The following COL8A1 variants were observed in gnomAD, a reference collection of about 807,000 sequenced individuals.
COL8A1 encodes the protein collagen type VIII alpha 1 chain, also known as collagen alpha-1(VIII) chain.
In COL8A1, 21 loss-of-function variants were observed where a neutral mutation model predicts 42.7. The observed-to-expected ratio is 0.49, with a 90% CI of 0.35 to 0.71. The LOEUF (loss-of-function observed/expected upper bound fraction) is 0.71, where lower values mean the gene tolerates loss of function less well. COL8A1 is among the 30% of genes least tolerant of loss of function. The probability of loss-of-function intolerance (pLI) is 0.01; values close to 1 mark genes in which losing one functional copy is unlikely to be tolerated. For synonymous variants in COL8A1, 367 were observed against 369.1 expected, an observed-to-expected ratio of 0.99 and a Z score of 0.06; for missense variants, 788 against 962.4, an observed-to-expected ratio of 0.82 and a Z score of 2.40.
intron 1 of COL8A1, among the ~76,000 whole-genome samples, chr3:99,728,947 G>A (rs1940419876): frequency 2.0e-5 from 3 of 151,848 alleles, no homozygotes; most frequent in Admixed American, 2.0e-4. Context: ...CTGTTATTTA[G>A]AAGACCTCTG....
chr3:99,768,407 A>G (rs181019440), intron 2 of COL8A1, among the ~76,000 whole-genome samples: 19 of 152,378 alleles, frequency 1.2e-4, no homozygotes, highest in African/African-American at 4.3e-4. Context: ...AGAGTACTGT[A>G]TATGGAGAAA....
chr3:99,676,602 C>T (rs1216626169), intron 1 of COL8A1, among the ~76,000 whole-genome samples: 2 of 152,022 alleles, frequency 1.3e-5, no homozygotes, highest in Admixed American at 1.3e-4. Flanking sequence ...AAAGTGAATA[C>T]AAAATTTCTG....
intron 2 of COL8A1, among the ~76,000 whole-genome samples, chr3:99,769,960 C>T (rs1029169424): frequency 5.3e-5 from 8 of 152,032 alleles, no homozygotes; most frequent in Non-Finnish European, 1.2e-4. Context: ...GAAAATCATA[C>T]AATTTCTTGT....
intron 2 of COL8A1, among the ~76,000 whole-genome samples, chr3:99,760,712 C>T (rs1941351456): frequency 6.6e-6 from 1 of 152,096 alleles, no homozygotes; most frequent in Non-Finnish European, 1.5e-5. Flanking sequence ...ACCTGAGAGA[C>T]TGTCATTTCC....
At chr3:99,733,554 G>C (rs1197206276) in intron 1 of COL8A1, among the ~76,000 whole-genome samples, 1 of 151,972 alleles carries the variant, frequency 6.6e-6, no homozygotes, top group East Asian at 1.9e-4. Flanking sequence ...ATCATTGTTG[G>C]ACGTTTGGGT....
chr3:99,795,375 G>T lies in COL8A1; in HGVS notation c.1474G>T (p.Gly492Cys). 6.4e-7 allele frequency: 1 copy of T among 1,573,440 alleles called. No homozygotes were observed. Among genetic ancestry groups the T allele is most frequent in the Non-Finnish European group, 8.6e-7 (1 of 1,158,732 alleles). Residue 492 changes from glycine to cysteine, a missense_variant, in exon 4 of 4, where the codon GGT (glycine) becomes TGT (cysteine). Coordinates refer to ENST00000652472, the MANE Select transcript of COL8A1 (RefSeq NM_020351.4). ...KGEPGIPGDQ[G>C]LQGPPGIPGI... Reference sequence around the variant, plus strand: ...AGAGCCAGGAATCCCAGGGGATCAGGGTTTACAGGGCCCCCCAGGTATCCC... The same window carrying T: ...AGAGCCAGGAATCCCAGGGGATCAGTGTTTACAGGGCCCCCCAGGTATCCC...
At chr3:99,717,708 C>T (rs1457715972) in intron 1 of COL8A1, among the ~76,000 whole-genome samples, 10 of 151,862 alleles carry the variant, frequency 6.6e-5, no homozygotes, top group African/African-American at 2.4e-4. Flanking sequence ...TAACTTAAAA[C>T]CTCTCTTACT....
In COL8A1 at chr3:99,790,321, C is replaced by T. The variant is rs566705943; in HGVS notation, c.-3-359C>T. Among the ~76,000 whole-genome samples, 10 of 152,278 alleles carry T rather than the reference C, an allele frequency of 6.6e-5. No homozygotes were observed. In the East Asian group the frequency reaches 1.9e-3, roughly 29 times the overall value. ...ACCCATGACAACTATACACAATTGGCAAGAATGGCTGAAATGGCCCTGCCT... is the reference window on the plus strand; with the variant it reads ...ACCCATGACAACTATACACAATTGGTAAGAATGGCTGAAATGGCCCTGCCT... On this transcript the variant is annotated intron_variant, in intron 2 of 3. Transcript: ENST00000652472.
At chr3:99,665,810 T>A (rs1334927334) in intron 1 of COL8A1, among the ~76,000 whole-genome samples, 1 of 150,768 alleles carries the variant, frequency 6.6e-6, no homozygotes, top group Non-Finnish European at 1.5e-5. Context: ...GCTTCCCAGG[T>A]AGCTGGGATT....
chr3:99,656,494 G>GAAA (rs764532246), intron 1 of COL8A1, among the ~76,000 whole-genome samples: 1 of 92,822 alleles, frequency 1.1e-5, no homozygotes, highest in African/African-American at 4.0e-5. Flanking sequence ...TGTATAAGAA[G>GAAA]AAAAAAAAAA....
At chr3:99,739,039 C>CCA (rs1940820611) in intron 1 of COL8A1, among the ~76,000 whole-genome samples, 1 of 152,204 alleles carries the variant, frequency 6.6e-6, no homozygotes, top group African/African-American at 2.4e-5. Flanking sequence ...ACTCCCTGAC[C>CCA]CCTTGCGCTT....
intron 1 of COL8A1, chr3:99,677,724 C>T (rs1467427667): frequency 6.6e-6 from 1 of 152,140 alleles, no homozygotes; most frequent in Non-Finnish European, 1.5e-5. Flanking sequence ...TCAGGGCCAA[C>T]TTGAAATCCT....
chr3:99,688,584 GC>G (rs1376206473), intron 1 of COL8A1, among the ~76,000 whole-genome samples: 4 of 152,100 alleles, frequency 2.6e-5, no homozygotes, highest in African/African-American at 7.2e-5. Flanking sequence ...AGTCCCCTTT[GC>G]CATGGAAAAC....
intron 1 of COL8A1, among the ~76,000 whole-genome samples, chr3:99,702,663 A>T (rs940504080): frequency 2.6e-5 from 4 of 152,198 alleles, no homozygotes; most frequent in Non-Finnish European, 4.4e-5. Context: ...TTATCAATTC[A>T]TTCATTTATC....
intron 1 of COL8A1, among the ~76,000 whole-genome samples, chr3:99,661,981 T>C (rs142190986): frequency 6.6e-6 from 1 of 152,322 alleles, no homozygotes; most frequent in South Asian, 2.1e-4. Context: ...GGGGAGTTAT[T>C]TTTAAATGGG....
At chr3:99,736,170 T>C (rs990944355) in intron 1 of COL8A1, among the ~76,000 whole-genome samples, 1 of 152,206 alleles carries the variant, frequency 6.6e-6, no homozygotes, top group Non-Finnish European at 1.5e-5. Flanking sequence ...GCTCCGATTT[T>C]AGTTATTTCT....
chr3:99,715,241 A>G (rs1939963037), intron 1 of COL8A1, among the ~76,000 whole-genome samples: 1 of 152,098 alleles, frequency 6.6e-6, no homozygotes, highest in Admixed American at 6.6e-5. Context: ...GAGGCAGGAT[A>G]CAAGAGTGGT....
rs541338573 is a variant in COL8A1, at chr3:99,726,592, G to C, written c.-128-18305G>C. On this transcript the variant is annotated intron_variant, in intron 1 of 3. Coordinates refer to ENST00000652472, the MANE Select transcript of COL8A1 (RefSeq NM_020351.4). Reference sequence around the variant, plus strand: ...GCATCTTGAATTGATTTTTGTATAAGGTGTAAGGAAGGGATCCAGTTTCAG... The same window carrying C: ...GCATCTTGAATTGATTTTTGTATAACGTGTAAGGAAGGGATCCAGTTTCAG... Among the ~76,000 whole-genome samples, 4 of 152,156 alleles carry C rather than the reference G, an allele frequency of 2.6e-5. No homozygotes were observed. The East Asian group carries it at 7.7e-4, about 29-fold the overall frequency.
chr3:99,749,976 T>C (rs1410609127), intron 2 of COL8A1, among the ~76,000 whole-genome samples: 2 of 151,506 alleles, frequency 1.3e-5, no homozygotes, highest in African/African-American at 4.8e-5. Flanking sequence ...GAGTTAACTA[T>C]ATATTAATTG....
Sources: gnomAD v4.1 joint callset for allele counts (sites outside exome capture counted in the v4.1 genomes callset) on GRCh38, gnomAD v4.1.1 for gene constraint, MANE v1.5 for transcripts, NCBI Gene and HGNC (gene_info 2026-07-23, HGNC 2026-07-21) for gene names.